Variants in GRIA4 observed in about 807,000 individuals in gnomAD.
GRIA4 encodes glutamate ionotropic receptor AMPA type subunit 4, also known as glutamate receptor 4.
In GRIA4, 34 loss-of-function variants were observed where a neutral mutation model predicts 104.0. The observed-to-expected ratio is 0.33, with a 90% CI of 0.25 to 0.44. The LOEUF is 0.44. Ranked by LOEUF, GRIA4 falls within the 20% of genes least tolerant of loss-of-function variation. The pLI, the probability that GRIA4 is intolerant of heterozygous loss-of-function variation, is 1.00. For synonymous variants in GRIA4, 386 were observed against 381.9 expected (o/e 1.01, Z -0.13); for missense variants, 750 against 1,096.5 (o/e 0.68, Z 4.46).
intron 5 of GRIA4, among the ~76,000 whole-genome samples, chr11:105,863,647 T>C (rs1945307072): frequency 6.6e-6 from 1 of 152,154 alleles, no homozygotes; most frequent in Non-Finnish European, 1.5e-5. Flanking sequence ...ATTGAGAGTT[T>C]GAGTTGTTTG....
At chr11:105,628,264 G>T (rs1250083749) in intron 3 of GRIA4, among the ~76,000 whole-genome samples, 1 of 152,098 alleles carries the variant, frequency 6.6e-6, no homozygotes, top group Non-Finnish European at 1.5e-5. Flanking sequence ...TCTTAAAAAT[G>T]AAAATACAGC....
At chr11:105,654,137 A>G (rs1951772458) in intron 3 of GRIA4, among the ~76,000 whole-genome samples, 7 of 151,974 alleles carry the variant, frequency 4.6e-5, no homozygotes, top group Admixed American at 4.6e-4. Flanking sequence ...AAATCTGAGA[A>G]AGTTGAATTC....
rs57770900 is a variant in GRIA4, at chr11:105,634,517, A to G, written c.247+22083A>G. Among the ~76,000 whole-genome samples the G allele has an allele frequency of 5.6e-4, 25 of 45,030 alleles. 1 individual carries two copies. Among genetic ancestry groups the G allele is most frequent in the African/African-American group, 1.4e-3 (24 of 17,648 alleles). 29.5% of individuals were successfully genotyped at this position (45,030 alleles called of 152,430 possible). ...AGAAAGAAAGAAAGAAAGAAAGAAGAAAGAAAGAAAGAAAAGAAAGAAAAA... is the reference window on the plus strand; with the variant it reads ...AGAAAGAAAGAAAGAAAGAAAGAAGGAAGAAAGAAAGAAAAGAAAGAAAAA... On this transcript the variant is annotated intron_variant, in intron 3 of 16. Transcript: ENST00000282499.
In GRIA4 at chr11:105,927,947, C is replaced by G. The variant is rs17104721; in HGVS notation, c.2046+1008C>G. Among the ~76,000 whole-genome samples, 1,013 of 151,972 alleles carry G rather than the reference C, an allele frequency of 6.7e-3. 15 individuals carry two copies. The highest frequency in any genetic ancestry group is 0.023 in the African/African-American group (964 of 41,508). Reference sequence around the variant, plus strand: ...AACATATATTTTATTACTTTCTAAGCTTTCATGGGAAAGTAGTAATAGCTC... The same window carrying G: ...AACATATATTTTATTACTTTCTAAGGTTTCATGGGAAAGTAGTAATAGCTC... On this transcript the variant is annotated intron_variant, in intron 13 of 16. Coordinates refer to ENST00000282499, the MANE Select transcript of GRIA4 (RefSeq NM_000829.4).
At chr11:105,769,237 C>G (rs1941096557) in intron 4 of GRIA4, among the ~76,000 whole-genome samples, 1 of 152,048 alleles carries the variant, frequency 6.6e-6, no homozygotes, top group Non-Finnish European at 1.5e-5. Context: ...GATAACCATA[C>G]AGCAATGTAA....
Position 105,918,785 on chromosome 11 carries a change from T to C in GRIA4, c.1343T>C (p.Val448Ala). ...EGNDKYEGYC[V>A]DLASEIAKHI... Reference sequence around the variant, plus strand: ...AATGACAAGTATGAAGGATACTGTGTAGATTTGGCATCTGAAATTGCAAAA... The same window carrying C: ...AATGACAAGTATGAAGGATACTGTGCAGATTTGGCATCTGAAATTGCAAAA... The change falls in exon 11 of 17, where the codon GTA becomes GCA. Residue 448 changes from valine (V) to alanine (A), a missense_variant. This residue lies in a region of GRIA4 where 272 missense variants were observed against 524.5 expected (regional missense o/e 0.52). Transcript: ENST00000282499. 3 of 1,600,538 alleles carry C rather than the reference T, an allele frequency of 1.9e-6. No homozygotes were observed.
At chr11:105,691,205 A>G (rs1426021405) in intron 3 of GRIA4, among the ~76,000 whole-genome samples, 1 of 152,216 alleles carries the variant, frequency 6.6e-6, no homozygotes, top group East Asian at 1.9e-4. Context: ...GCAGAAAGCC[A>G]GGATCCTGTG....
chr11:105,756,456 C>G (rs1565521248), intron 4 of GRIA4, among the ~76,000 whole-genome samples: 1 of 152,112 alleles, frequency 6.6e-6, no homozygotes, highest in Non-Finnish European at 1.5e-5. Flanking sequence ...TAAAATTCCC[C>G]TGGTTCATTT....
intron 3 of GRIA4, among the ~76,000 whole-genome samples, chr11:105,688,469 G>C (rs1025311449): frequency 6.6e-6 from 1 of 152,134 alleles, no homozygotes; most frequent in Non-Finnish European, 1.5e-5. Flanking sequence ...GCTGAGGCAG[G>C]AGAATGGCGT....
At chr11:105,861,202 C>G (rs1381857927) in intron 4 of GRIA4, among the ~76,000 whole-genome samples, 3 of 152,086 alleles carry the variant, frequency 2.0e-5, no homozygotes, top group Middle Eastern at 3.2e-3. Flanking sequence ...TAAACACCCC[C>G]ACCTGCATCA....
intron 4 of GRIA4, among the ~76,000 whole-genome samples, chr11:105,829,184 GACTT>G (rs1256711378): frequency 1.3e-5 from 2 of 151,752 alleles, no homozygotes; most frequent in East Asian, 3.9e-4. Flanking sequence ...GGCTCATTAA[GACTT>G]AGTAATTTGC....
intron 3 of GRIA4, among the ~76,000 whole-genome samples, chr11:105,742,978 C>T (rs1309961483): frequency 6.6e-6 from 1 of 152,106 alleles, no homozygotes; most frequent in Non-Finnish European, 1.5e-5. Flanking sequence ...CTCATGTGAT[C>T]CACCCATCTC....
chr11:105,954,147 A>G (rs1363018616), intron 14 of GRIA4, among the ~76,000 whole-genome samples: 1 of 152,200 alleles, frequency 6.6e-6, no homozygotes, highest in Non-Finnish European at 1.5e-5. Context: ...TTCCCATCAA[A>G]TAAAGTAGAG....
intron 3 of GRIA4, among the ~76,000 whole-genome samples, chr11:105,720,013 T>C (rs1354199123): frequency 1.3e-5 from 2 of 151,946 alleles, no homozygotes; most frequent in Non-Finnish European, 2.9e-5. Context: ...TTTTAATGTA[T>C]TGCAAAATGT....
At chr11:105,786,196 C>G (rs966799499) in intron 4 of GRIA4, among the ~76,000 whole-genome samples, 1 of 149,876 alleles carries the variant, frequency 6.7e-6, no homozygotes, top group Non-Finnish European at 1.5e-5. Flanking sequence ...TGCTATTGAC[C>G]AGCAATTTAT....
At chr11:105,626,971 G>C (rs763406441) in intron 3 of GRIA4, among the ~76,000 whole-genome samples, 7 of 152,148 alleles carry the variant, frequency 4.6e-5, no homozygotes, top group Non-Finnish European at 1.0e-4. Flanking sequence ...CCTGGCTAAT[G>C]TCCAGGTAAA....
intron 16 of GRIA4, among the ~76,000 whole-genome samples, chr11:105,979,150 A>G: frequency 6.6e-6 from 1 of 152,210 alleles, no homozygotes; most frequent in Non-Finnish European, 1.5e-5. Flanking sequence ...TCGTTTGTTT[A>G]GGTACTTCAT....
chr11:105,963,236 A>G (rs1948784639), intron 14 of GRIA4, among the ~76,000 whole-genome samples: 1 of 152,056 alleles, frequency 6.6e-6, no homozygotes. Flanking sequence ...ATACATATAT[A>G]TGTCATTGAT....
At chr11:105,897,640 G>T (rs556911271) in intron 6 of GRIA4, among the ~76,000 whole-genome samples, 1 of 152,146 alleles carries the variant, frequency 6.6e-6, no homozygotes, top group East Asian at 1.9e-4. Context: ...TTTATCAAAT[G>T]CTTTTTACTG....
Sources: allele counts gnomAD v4.1 joint callset (sites outside exome capture counted in the v4.1 genomes callset), GRCh38; gene constraint gnomAD v4.1.1; regional missense constraint gnomAD v4.1.1; transcripts MANE v1.5; gene names NCBI Gene and HGNC (gene_info 2026-07-23, HGNC 2026-07-21).